The following PIGL variants were observed in gnomAD, a reference collection of about 807,000 sequenced individuals.
The protein encoded by PIGL is N-acetylglucosaminyl-phosphatidylinositol de-N-acetylase.
Under a neutral mutation model 31.1 loss-of-function variants are expected in PIGL, and 22 were observed. That is an observed-to-expected ratio of 0.71 (90% CI 0.51 to 1.01). The LOEUF (loss-of-function observed/expected upper bound fraction) is 1.01, where lower values mean the gene tolerates loss of function less well. PIGL is among the 50% of genes least tolerant of loss of function. The pLI is 0.00. For synonymous variants in PIGL, 131 were observed against 117.4 expected (o/e 1.12, Z -0.75); for missense variants, 302 against 315.9 (o/e 0.96, Z 0.33).
chr17:16,220,480 A>ATTTTTT (rs745948237), intron 1 of PIGL, among the ~76,000 whole-genome samples: 2 of 57,192 alleles, frequency 3.5e-5, no homozygotes, highest in African/African-American at 5.0e-5. Flanking sequence ...TTAAATTGTT[A>ATTTTTT]TTTTTTTTTT....
intron 1 of PIGL, 170 bp downstream of exon 1, chr17:16,217,631 CTGGTG>C: frequency 7.4e-6 from 4 of 542,294 alleles, no homozygotes; most frequent in Admixed American, 3.5e-5. Context: ...GCCGGCTTAC[CTGGTG>C]GGTTGGGGGA....
intron 2 of PIGL, among the ~76,000 whole-genome samples, chr17:16,235,683 C>A (rs1225797097): frequency 6.6e-6 from 1 of 151,234 alleles, no homozygotes; most frequent in Admixed American, 6.6e-5. Flanking sequence ...GAACTCCCGA[C>A]CTCAGGTGAT....
intron 2 of PIGL, among the ~76,000 whole-genome samples, chr17:16,271,552 G>A (rs1158331774): frequency 6.8e-6 from 1 of 148,056 alleles, no homozygotes; most frequent in Non-Finnish European, 1.5e-5. Context: ...TTTTTTTTGA[G>A]ATGGAGTTTT....
intron 2 of PIGL, among the ~76,000 whole-genome samples, chr17:16,288,538 T>C (rs1401829657): frequency 1.7e-5 from 2 of 116,852 alleles, no homozygotes; most frequent in African/African-American, 6.5e-5. Flanking sequence ...TTTCTTTTTT[T>C]TCTTTTTCTT....
intron 2 of PIGL, among the ~76,000 whole-genome samples, chr17:16,284,228 T>C (rs907542354): frequency 1.3e-5 from 2 of 152,092 alleles, no homozygotes; most frequent in African/African-American, 2.4e-5. Flanking sequence ...CTACCCGCCT[T>C]GGCCTCCCAA....
chr17:16,286,587 GT>G (rs964976425), intron 2 of PIGL, among the ~76,000 whole-genome samples: 1 of 152,178 alleles, frequency 6.6e-6, no homozygotes, highest in Non-Finnish European at 1.5e-5. Flanking sequence ...AGCCTGGCTT[GT>G]TTCCTGAACA....
intron 2 of PIGL, among the ~76,000 whole-genome samples, chr17:16,238,662 G>A (rs2092709734): frequency 6.6e-6 from 1 of 151,024 alleles, no homozygotes; most frequent in Non-Finnish European, 1.5e-5. Context: ...TGTAATCCCA[G>A]CACTTTGGGA....
chr17:16,240,593 C>A (rs2092718460), intron 2 of PIGL, among the ~76,000 whole-genome samples: 2 of 151,974 alleles, frequency 1.3e-5, no homozygotes, highest in South Asian at 4.2e-4. Context: ...GCCTAACTCC[C>A]GGGTGCAAGG....
chr17:16,300,743 C>T (rs756129099), intron 3 of PIGL, among the ~76,000 whole-genome samples: 2 of 151,810 alleles, frequency 1.3e-5, no homozygotes, highest in Non-Finnish European at 2.9e-5. Context: ...TTGCAGAGGC[C>T]AAGCAGCTTG....
chr17:16,310,002 C>G (rs1450047082), intron 3 of PIGL, among the ~76,000 whole-genome samples: 1 of 140,974 alleles, frequency 7.1e-6, no homozygotes, highest in African/African-American at 2.7e-5. Context: ...CTCTTGAACC[C>G]AGGAGACAGA....
At chr17:16,225,672 G>A (rs1669736036) in intron 1 of PIGL, among the ~76,000 whole-genome samples, 1 of 150,664 alleles carries the variant, frequency 6.6e-6, no homozygotes, top group Admixed American at 6.6e-5. Context: ...TTTTGCACGT[G>A]TTTCTTAGAA....
intron 2 of PIGL, among the ~76,000 whole-genome samples, chr17:16,240,654 C>A (rs916905648): frequency 2.6e-5 from 4 of 151,996 alleles, no homozygotes; most frequent in Non-Finnish European, 4.4e-5. Flanking sequence ...GCATGCACCA[C>A]CTTGCCAGCT....
intron 2 of PIGL, among the ~76,000 whole-genome samples, chr17:16,251,109 G>A (rs2092769221): frequency 6.6e-6 from 1 of 152,152 alleles, no homozygotes; most frequent in Non-Finnish European, 1.5e-5. Context: ...CTTCAGGGAA[G>A]CAGATCACCA....
chr17:16,248,819 C>A (rs1045593512), intron 2 of PIGL, among the ~76,000 whole-genome samples: 1 of 152,130 alleles, frequency 6.6e-6, no homozygotes, highest in Non-Finnish European at 1.5e-5. Context: ...AACAAAATAC[C>A]ATAGACTGGG....
chr17:16,325,398 A>G (rs2093123419), intron 6 of PIGL, among the ~76,000 whole-genome samples: 1 of 151,638 alleles, frequency 6.6e-6, no homozygotes, highest in Non-Finnish European at 1.5e-5. Context: ...CTGGGTTAAA[A>G]TCTCAGCCAG....
intron 6 of PIGL, among the ~76,000 whole-genome samples, chr17:16,322,080 G>A (rs981538283): frequency 6.6e-6 from 1 of 151,624 alleles, no homozygotes; most frequent in Non-Finnish European, 1.5e-5. Flanking sequence ...ATCGCACCCA[G>A]CCTATTTATT....
At chr17:16,253,147 G>A (rs913756842) in intron 2 of PIGL, among the ~76,000 whole-genome samples, 2 of 152,090 alleles carry the variant, frequency 1.3e-5, no homozygotes, top group African/African-American at 2.4e-5. Flanking sequence ...CCAGTTACCC[G>A]GGAGGCTGAG....
chr17:16,291,882 G>A lies in PIGL; in HGVS notation c.336-8006G>A, dbSNP rs565609520. Among the ~76,000 whole-genome samples, 15 of 151,344 alleles carry A rather than the reference G, an allele frequency of 9.9e-5. No homozygotes were observed. In the South Asian group the frequency reaches 3.1e-3, roughly 32 times the overall value. The stretch of plus-strand genomic sequence containing the variant: ...TCAATCTCAAAAAAAAAAGAAAAAA[G>A]AAAATAGGGCTGAGGCAGGAGGATC... On this transcript the variant is annotated intron_variant, in intron 2 of 6. Transcript: ENST00000225609.
intron 6 of PIGL, among the ~76,000 whole-genome samples, chr17:16,324,132 T>A (rs548984782): frequency 2.0e-4 from 28 of 143,502 alleles, no homozygotes; most frequent in Non-Finnish European, 9.3e-5. Context: ...AATTTTGGAT[T>A]TTTTTTTTTT....
Sources: allele counts gnomAD v4.1 joint callset (sites outside exome capture counted in the v4.1 genomes callset), GRCh38; gene constraint gnomAD v4.1.1; transcripts MANE v1.5; gene names NCBI Gene and HGNC (gene_info 2026-07-23, HGNC 2026-07-21).